Variants in PPARGC1A observed in about 807,000 individuals in gnomAD.
The protein encoded by PPARGC1A is peroxisome proliferator-activated receptor gamma coactivator 1-alpha.
PPARGC1A carries 25 observed loss-of-function variants against 88.7 expected under a neutral mutation model. The ratio of observed to expected loss-of-function variants is 0.28; its 90% CI spans 0.21 to 0.39. The LOEUF (loss-of-function observed/expected upper bound fraction) is 0.39. PPARGC1A is among the 10% of genes least tolerant of loss of function. The pLI is 1.00. For synonymous variants in PPARGC1A, 363 were observed against 355.6 expected, an observed-to-expected ratio of 1.02 and a Z score of -0.24; for missense variants, 880 against 968.7, an observed-to-expected ratio of 0.91 and a Z score of 1.22.
At chr4:24,301,356 A>G in the PPARGC1A span, among the ~76,000 whole-genome samples, 2 of 152,100 alleles carry the variant, frequency 1.3e-5, no homozygotes, top group Admixed American at 1.3e-4. Context: ...AAATAATAAC[A>G]CCAGTAGTGA....
the PPARGC1A span, among the ~76,000 whole-genome samples, chr4:24,097,390 C>G: frequency 6.6e-6 from 1 of 152,146 alleles, no homozygotes; most frequent in Non-Finnish European, 1.5e-5. Flanking sequence ...CACACTTGCA[C>G]TTAACAGCTA....
the PPARGC1A span, among the ~76,000 whole-genome samples, chr4:24,013,974 C>A: frequency 6.6e-6 from 1 of 152,064 alleles, no homozygotes; most frequent in African/African-American, 2.4e-5. Context: ...AAAAAGAAAG[C>A]AGGGAAATAA....
chr4:24,290,146 C>T, the PPARGC1A span, among the ~76,000 whole-genome samples: 15 of 152,264 alleles, frequency 9.9e-5, no homozygotes, highest in African/African-American at 2.9e-4. Flanking sequence ...GTGGGAATTA[C>T]GGGAGCTACA....
the PPARGC1A span, among the ~76,000 whole-genome samples, chr4:24,156,736 CTTT>C: frequency 7.2e-6 from 1 of 139,462 alleles, no homozygotes; most frequent in African/African-American, 2.6e-5. Context: ...TTCTCTCTCT[CTTT>C]TTTTTTTTTT....
the PPARGC1A span, among the ~76,000 whole-genome samples, chr4:24,233,859 T>G: frequency 2.1e-3 from 323 of 152,138 alleles, 8 homozygotes; most frequent in South Asian, 0.035. Flanking sequence ...AAAACAGAAT[T>G]TAAATGGTCC....
At chr4:23,824,534 T>A (rs763700088) in intron 5 of PPARGC1A, 26 bp from the exon 6 acceptor site, 1 of 1,547,934 alleles carries the variant, frequency 6.5e-7, no homozygotes, top group South Asian at 1.2e-5. Flanking sequence ...AGAAACTAAT[T>A]ATGTAATATT....
chr4:24,322,275 G>A, the PPARGC1A span, among the ~76,000 whole-genome samples: 2 of 152,198 alleles, frequency 1.3e-5, no homozygotes, highest in African/African-American at 4.8e-5. Context: ...ATTTTCCCCC[G>A]AGTTGAAGAG....
At chr4:24,063,371 T>G in the PPARGC1A span, among the ~76,000 whole-genome samples, 1 of 152,226 alleles carries the variant, frequency 6.6e-6, no homozygotes, top group African/African-American at 2.4e-5. Context: ...CACACTCTGT[T>G]TTCTTCCGTT....
chr4:24,073,084 C>T, the PPARGC1A span, among the ~76,000 whole-genome samples: 1 of 152,232 alleles, frequency 6.6e-6, no homozygotes, highest in South Asian at 2.1e-4. Context: ...GCTCTGTCAC[C>T]AGGCTGGAGT....
chr4:24,053,946 T>G, the PPARGC1A span, among the ~76,000 whole-genome samples: 6 of 152,234 alleles, frequency 3.9e-5, no homozygotes, highest in African/African-American at 1.4e-4. Context: ...CTGGATGGAA[T>G]GCTGCTTTAA....
At chr4:23,911,599 A>G in the PPARGC1A span, among the ~76,000 whole-genome samples, 1 of 152,226 alleles carries the variant, frequency 6.6e-6, no homozygotes, top group Non-Finnish European at 1.5e-5. Flanking sequence ...AAACAAGCAT[A>G]CATTTATCCA....
chr4:24,217,426 C>T, the PPARGC1A span, among the ~76,000 whole-genome samples: 1 of 152,140 alleles, frequency 6.6e-6, no homozygotes, highest in Admixed American at 6.5e-5. Flanking sequence ...TTAGAGGCTA[C>T]TGCCGTTGTT....
chr4:24,354,568 A>C, the PPARGC1A span, among the ~76,000 whole-genome samples: 1 of 152,306 alleles, frequency 6.6e-6, no homozygotes, highest in Non-Finnish European at 1.5e-5. Context: ...GTTAAGACAA[A>C]ACAGCTGAGA....
chr4:24,264,795 A>G, the PPARGC1A span, among the ~76,000 whole-genome samples: 3 of 152,218 alleles, frequency 2.0e-5, no homozygotes, highest in Non-Finnish European at 4.4e-5. Flanking sequence ...GCAGGTGTAC[A>G]AGAACTGCTT....
chr4:24,211,082 ACTT>A, the PPARGC1A span, among the ~76,000 whole-genome samples: 3 of 152,162 alleles, frequency 2.0e-5, no homozygotes, highest in Admixed American at 2.0e-4. Flanking sequence ...TAGACGCTGA[ACTT>A]CTTAAGGGCA....
chr4:24,284,552 G>A, the PPARGC1A span, among the ~76,000 whole-genome samples: 1 of 152,172 alleles, frequency 6.6e-6, no homozygotes, highest in Non-Finnish European at 1.5e-5. Flanking sequence ...TGTCAAGTCA[G>A]GAATATAGGG....
chr4:24,007,031 T>A, the PPARGC1A span, among the ~76,000 whole-genome samples: 1 of 152,330 alleles, frequency 6.6e-6, no homozygotes, highest in South Asian at 2.1e-4. Context: ...TTGGGAGGCA[T>A]CTTATAATCA....
the PPARGC1A span, among the ~76,000 whole-genome samples, chr4:23,914,032 C>T: frequency 6.6e-6 from 1 of 152,206 alleles, no homozygotes; most frequent in African/African-American, 2.4e-5. Flanking sequence ...TAAGCAGGAG[C>T]TGCTAGAAAA....
the PPARGC1A span, among the ~76,000 whole-genome samples, chr4:24,314,793 G>T: frequency 1.2e-3 from 188 of 152,154 alleles, 1 homozygote; most frequent in African/African-American, 4.3e-3. Flanking sequence ...GATTATTGTT[G>T]AATGTACCAA....
Sources: gnomAD v4.1 joint callset for allele counts (sites outside exome capture counted in the v4.1 genomes callset) on GRCh38, gnomAD v4.1.1 for gene constraint, MANE v1.5 for transcripts, NCBI Gene and HGNC (gene_info 2026-07-23, HGNC 2026-07-21) for gene names.